DLGAP1: variants seen among roughly 807,000 people sequenced by gnomAD.
DLGAP1 encodes disks large-associated protein 1.
DLGAP1 carries 11 observed loss-of-function variants against 90.8 expected under a neutral mutation model. The ratio of observed to expected loss-of-function variants is 0.12; its 90% CI spans 0.08 to 0.20. The LOEUF (loss-of-function observed/expected upper bound fraction) is 0.20, where lower values mean the gene tolerates loss of function less well. Among genes scored for constraint, DLGAP1 ranks in the 10% least tolerant of loss-of-function variants. The probability of loss-of-function intolerance (pLI) is 1.00; values close to 1 mark genes in which losing one functional copy is unlikely to be tolerated. For synonymous variants in DLGAP1, 558 were observed against 540.7 expected, an observed-to-expected ratio of 1.03 and a Z score of -0.44; for missense variants, 1,050 against 1,333.8, an observed-to-expected ratio of 0.79 and a Z score of 3.31.
chr18:3,569,221 C>T (rs1223967088), intron 8 of DLGAP1, among the ~76,000 whole-genome samples: 3 of 151,564 alleles, frequency 2.0e-5, no homozygotes, highest in Admixed American at 6.6e-5. Context: ...AGGCTGGTCT[C>T]GAACTCCTGA....
chr18:3,966,798 G>C (rs2073341245), intron 3 of DLGAP1, among the ~76,000 whole-genome samples: 1 of 152,126 alleles, frequency 6.6e-6, no homozygotes, highest in Admixed American at 6.6e-5. Context: ...GGATTAACGA[G>C]TATGAGGTGA....
At chr18:4,192,232 A>G (rs1021019626) in intron 1 of DLGAP1, among the ~76,000 whole-genome samples, 4 of 152,142 alleles carry the variant, frequency 2.6e-5, no homozygotes, top group Admixed American at 2.6e-4. Flanking sequence ...TAAAAAACAC[A>G]AAACCATTGT....
chr18:4,020,613 A>C (rs538039368), intron 2 of DLGAP1, among the ~76,000 whole-genome samples: 1 of 152,338 alleles, frequency 6.6e-6, no homozygotes, highest in South Asian at 2.1e-4. Flanking sequence ...TGACCTAACC[A>C]ACTCCATCTT....
intron 1 of DLGAP1, among the ~76,000 whole-genome samples, chr18:4,180,603 T>C (rs1352111670): frequency 1.3e-5 from 2 of 152,134 alleles, no homozygotes; most frequent in Non-Finnish European, 2.9e-5. Flanking sequence ...GAAATAAATA[T>C]TAAATACAAA....
At chr18:3,876,059 C>T (rs1000707190) in intron 4 of DLGAP1, among the ~76,000 whole-genome samples, 1 of 151,476 alleles carries the variant, frequency 6.6e-6, no homozygotes, top group African/African-American at 2.4e-5. Context: ...AAGAAACCCT[C>T]TTTCCCTCTC....
chr18:4,335,213 T>C (rs762414374), intron 1 of DLGAP1, among the ~76,000 whole-genome samples: 1 of 151,822 alleles, frequency 6.6e-6, no homozygotes, highest in African/African-American at 2.4e-5. Context: ...AGAATAGAAA[T>C]AAAGACATTT....
At chr18:3,918,399 T>C (rs975339015) in intron 3 of DLGAP1, among the ~76,000 whole-genome samples, 2 of 152,226 alleles carry the variant, frequency 1.3e-5, no homozygotes, top group African/African-American at 4.8e-5. Context: ...TCTCAGTTTC[T>C]TCTGTGAAAT....
At chr18:3,921,244 C>T (rs561696284) in intron 3 of DLGAP1, among the ~76,000 whole-genome samples, 1 of 152,248 alleles carries the variant, frequency 6.6e-6, no homozygotes, top group East Asian at 1.9e-4. Flanking sequence ...ATATTCTGAA[C>T]CCCATTTTCT....
chr18:4,220,522 T>C (rs951172839), intron 1 of DLGAP1, among the ~76,000 whole-genome samples: 2 of 152,136 alleles, frequency 1.3e-5, no homozygotes, highest in Non-Finnish European at 2.9e-5. Context: ...CAAATGGCCC[T>C]CAGGACGGAT....
At chr18:4,370,995 C>T (rs1036454289) in intron 1 of DLGAP1, among the ~76,000 whole-genome samples, 2 of 151,988 alleles carry the variant, frequency 1.3e-5, no homozygotes, top group East Asian at 1.9e-4. Flanking sequence ...ATAGTGCAGG[C>T]GTGTACGCAT....
At chr18:3,646,657 G>A (rs567548032) in intron 7 of DLGAP1, among the ~76,000 whole-genome samples, 1 of 152,306 alleles carries the variant, frequency 6.6e-6, no homozygotes, top group Non-Finnish European at 1.5e-5. Flanking sequence ...GGGCACGGTG[G>A]CTCATGCCTG....
chr18:4,269,549 T>C (rs1341712816), intron 1 of DLGAP1, among the ~76,000 whole-genome samples: 1 of 151,108 alleles, frequency 6.6e-6, no homozygotes, highest in Non-Finnish European at 1.5e-5. Context: ...AGAGACGGGG[T>C]TTCACCGTGT....
intron 7 of DLGAP1, among the ~76,000 whole-genome samples, chr18:3,725,688 T>C (rs964511609): frequency 6.6e-6 from 1 of 152,190 alleles, no homozygotes; most frequent in Non-Finnish European, 1.5e-5. Flanking sequence ...TGAAGTAGAT[T>C]ACAGGCTGAA....
chr18:4,368,636 TACACACACACACAC>T (rs55840615), intron 1 of DLGAP1, among the ~76,000 whole-genome samples: 92 of 135,028 alleles, frequency 6.8e-4, no homozygotes, highest in African/African-American at 2.0e-3. Context: ...CTCTCTCTCA[TACACACACACACAC>T]ACACACACAC....
At chr18:4,265,132 T>TTCCTTCC (rs374042304) in intron 1 of DLGAP1, among the ~76,000 whole-genome samples, 1 of 145,502 alleles carries the variant, frequency 6.9e-6, no homozygotes, top group African/African-American at 2.6e-5. Flanking sequence ...CCTTCCTTCC[T>TTCCTTCC]TTCCTCCCTC....
chr18:3,528,612 A>C (rs754229905), intron 10 of DLGAP1, among the ~76,000 whole-genome samples: 49 of 152,390 alleles, frequency 3.2e-4, no homozygotes, highest in Non-Finnish European at 6.3e-4. Context: ...CAAATAAAAC[A>C]GCACCTGTCA....
intron 9 of DLGAP1, among the ~76,000 whole-genome samples, chr18:3,552,009 T>A (rs9635854): frequency 0.044 from 6,667 of 151,534 alleles, 252 homozygotes; most frequent in African/African-American, 0.099. Context: ...GGTCTCACTA[T>A]GTTGCCTAGA....
chr18:4,369,535 T>C (rs2081865041), intron 1 of DLGAP1, among the ~76,000 whole-genome samples: 2 of 152,072 alleles, frequency 1.3e-5, no homozygotes, highest in Admixed American at 1.3e-4. Context: ...TCTAAGGACC[T>C]TGTCTTATTC....
chr18:3,876,544 T>C (rs2071009933), intron 4 of DLGAP1, among the ~76,000 whole-genome samples: 1 of 152,256 alleles, frequency 6.6e-6, no homozygotes, highest in South Asian at 2.1e-4. Context: ...TAAACTGTTT[T>C]CAACCTTTCA....
Sources: allele counts gnomAD v4.1 joint callset (sites outside exome capture counted in the v4.1 genomes callset), GRCh38; gene constraint gnomAD v4.1.1; transcripts MANE v1.5; gene names NCBI Gene and HGNC (gene_info 2026-07-23, HGNC 2026-07-21).